MIPEP: variants seen among roughly 807,000 people sequenced by gnomAD.
MIPEP encodes mitochondrial intermediate peptidase.
Under a neutral mutation model 90.3 loss-of-function variants are expected in MIPEP, and 79 were observed. That is an observed-to-expected ratio of 0.87 (90% confidence interval 0.73 to 1.05). The LOEUF is 1.05. Among genes scored for constraint, MIPEP ranks in the 50% least tolerant of loss-of-function variants. MIPEP has a pLI of 0.00. For missense variants in MIPEP, 940 were observed against 905.6 expected (o/e 1.04, Z -0.49); for synonymous variants, 334 against 315.8 (o/e 1.06, Z -0.61).
Position 23,875,010 on chromosome 13 carries a change from G to A in MIPEP, c.540-101C>T. On this transcript the variant is annotated intron_variant, in intron 4 of 18. Transcript: ENST00000382172. ...TAAATAAGTCTTTTTCAGCCTCACT[G>A]CCAAAAGTTTCTTCAAAACACACAC... is the stretch of plus-strand genomic sequence containing the variant. 8 of 732,052 alleles carry A rather than the reference G, an allele frequency of 1.1e-5. 1 individual carries two copies. In the South Asian group the frequency reaches 1.1e-4, roughly 11 times the overall value. 45.3% of individuals were successfully genotyped at this position (732,052 alleles called of 1,614,324 possible). A position where few individuals can be genotyped will look rare whatever the true frequency, so the allele number is the denominator to read the frequency against.
chr13:23,854,875 G>A (rs1869980911), intron 10 of MIPEP, among the ~76,000 whole-genome samples: 2 of 147,910 alleles, frequency 1.4e-5, no homozygotes. Context: ...CTGGGCAACA[G>A]AGGAAGATTC....
chr13:23,777,812 T>C (rs945837619), intron 16 of MIPEP, among the ~76,000 whole-genome samples: 6 of 152,330 alleles, frequency 3.9e-5, no homozygotes, highest in Admixed American at 1.3e-4. Context: ...CCTTCAGTAC[T>C]GTGCTTCTCT....
At chr13:23,745,438 T>C (rs1952371869) in intron 18 of MIPEP, among the ~76,000 whole-genome samples, 1 of 152,182 alleles carries the variant, frequency 6.6e-6, no homozygotes. Context: ...CTAGCAACAT[T>C]TCATAAAAGA....
intron 16 of MIPEP, among the ~76,000 whole-genome samples, chr13:23,767,873 C>G (rs1194562984): frequency 6.6e-6 from 1 of 152,182 alleles, no homozygotes; most frequent in Non-Finnish European, 1.5e-5. Flanking sequence ...TTCCTTCCTT[C>G]ATTTTCCCCT....
intron 10 of MIPEP, among the ~76,000 whole-genome samples, chr13:23,844,013 T>G (rs1416328946): frequency 6.6e-6 from 1 of 151,788 alleles, no homozygotes; most frequent in African/African-American, 2.4e-5. Flanking sequence ...GGGAGGAGGA[T>G]GGAGGGCTCA....
At chr13:23,879,568 C>T (rs956355041) in intron 3 of MIPEP, among the ~76,000 whole-genome samples, 2 of 151,878 alleles carry the variant, frequency 1.3e-5, no homozygotes, top group Admixed American at 6.6e-5. Flanking sequence ...CTCTGTCACC[C>T]AGCACCCAGG....
At chr13:23,801,521 C>T (rs1953040935) in intron 16 of MIPEP, among the ~76,000 whole-genome samples, 1 of 152,166 alleles carries the variant, frequency 6.6e-6, no homozygotes, top group South Asian at 2.1e-4. Flanking sequence ...AGTCATCAAC[C>T]ATGTACCCAC....
At chr13:23,731,968 ATTTTTTTTTTTT>A (rs57109674) in intron 18 of MIPEP, among the ~76,000 whole-genome samples, 1 of 97,862 alleles carries the variant, frequency 1.0e-5, no homozygotes, top group African/African-American at 3.9e-5. Context: ...AGAATAGCTA[ATTTTTTTTTTTT>A]TTTTTTTTTT....
intron 1 of MIPEP, 34 bp downstream of exon 1, chr13:23,889,098 G>T: frequency 7.2e-7 from 1 of 1,381,396 alleles, no homozygotes; most frequent in Non-Finnish European, 9.4e-7. Context: ...GGCTTAGCTC[G>T]GGGACTGAGG....
chr13:23,754,100 T>A (rs1191480792), intron 18 of MIPEP, among the ~76,000 whole-genome samples: 1 of 152,120 alleles, frequency 6.6e-6, no homozygotes, highest in Non-Finnish European at 1.5e-5. Flanking sequence ...TACATTTTCA[T>A]AGAAGAATAC....
intron 10 of MIPEP, among the ~76,000 whole-genome samples, chr13:23,852,469 A>C (rs182125412): frequency 6.6e-6 from 1 of 152,352 alleles, no homozygotes; most frequent in African/African-American, 2.4e-5. Flanking sequence ...CATATGCTAC[A>C]GTGGGTGGTC....
At chr13:23,824,102 A>T (rs1953339955) in intron 14 of MIPEP, among the ~76,000 whole-genome samples, 1 of 152,240 alleles carries the variant, frequency 6.6e-6, no homozygotes, top group Non-Finnish European at 1.5e-5. Flanking sequence ...GATTCTAAAA[A>T]TAACACCAAA....
intron 10 of MIPEP, among the ~76,000 whole-genome samples, chr13:23,841,980 C>A (rs1277718667): frequency 6.6e-6 from 1 of 151,946 alleles, no homozygotes; most frequent in Non-Finnish European, 1.5e-5. Context: ...GAAAAAAATG[C>A]CTGCAATATA....
chr13:23,804,655 CAA>C (rs1953085448), intron 16 of MIPEP, among the ~76,000 whole-genome samples: 1 of 152,122 alleles, frequency 6.6e-6, no homozygotes, highest in Admixed American at 6.5e-5. Flanking sequence ...AAACTAATGA[CAA>C]GAGGTATTAT....
At chr13:23,831,682 T>C (rs1219996865) in intron 14 of MIPEP, among the ~76,000 whole-genome samples, 1 of 152,028 alleles carries the variant, frequency 6.6e-6, no homozygotes, top group Non-Finnish European at 1.5e-5. Context: ...TGAGAACTAA[T>C]CCATTCCAGA....
chr13:23,831,899 T>C (rs981830607), intron 14 of MIPEP, among the ~76,000 whole-genome samples: 2 of 152,176 alleles, frequency 1.3e-5, no homozygotes, highest in African/African-American at 4.8e-5. Flanking sequence ...ATGCTGGGTA[T>C]AGGGGTTTAG....
intron 10 of MIPEP, among the ~76,000 whole-genome samples, chr13:23,858,045 C>A (rs1391673935): frequency 6.6e-6 from 1 of 151,988 alleles, no homozygotes; most frequent in Admixed American, 6.6e-5. Context: ...AACTCTCCTA[C>A]TTAAACAGCA....
intron 18 of MIPEP, among the ~76,000 whole-genome samples, chr13:23,737,814 C>A (rs890170711): frequency 1.3e-5 from 2 of 152,152 alleles, no homozygotes; most frequent in African/African-American, 4.8e-5. Context: ...TCCTAAGGCC[C>A]TAGGGTGAAA....
chr13:23,751,979 A>G (rs1952446697), intron 18 of MIPEP, among the ~76,000 whole-genome samples: 1 of 152,124 alleles, frequency 6.6e-6, no homozygotes, highest in African/African-American at 2.4e-5. Flanking sequence ...CAAGACCCAC[A>G]TTGCTTACAT....
Sources: gnomAD v4.1 joint callset for allele counts (sites outside exome capture counted in the v4.1 genomes callset) on GRCh38, gnomAD v4.1.1 for gene constraint, MANE v1.5 for transcripts, NCBI Gene and HGNC (gene_info 2026-07-23, HGNC 2026-07-21) for gene names.